The following SDCCAG8 variants were observed in gnomAD, a reference collection of about 807,000 sequenced individuals.
The protein encoded by SDCCAG8 is SHH signaling and ciliogenesis regulator SDCCAG8, also known as serologically defined colon cancer antigen 8.
SDCCAG8 carries 74 observed loss-of-function variants against 101.8 expected under a neutral mutation model. That is an observed-to-expected ratio of 0.73 (90% CI 0.60 to 0.88). The LOEUF is 0.88. Among genes scored for constraint, SDCCAG8 ranks in the 40% least tolerant of loss-of-function variants. The pLI is 0.00. For missense variants in SDCCAG8, 787 were observed against 822.6 expected, an observed-to-expected ratio of 0.96 and a Z score of 0.53; for synonymous variants, 281 against 292.9, an observed-to-expected ratio of 0.96 and a Z score of 0.41.
chr1:243,488,574 G>A (rs775591090), intron 16 of SDCCAG8: 5 of 221,904 alleles, frequency 2.3e-5, no homozygotes, highest in Non-Finnish European at 4.6e-5. Flanking sequence ...GCTCGTGATT[G>A]ACTGAGTGAT....
At chr1:243,431,949 C>T (rs1253202048) in intron 16 of SDCCAG8, among the ~76,000 whole-genome samples, 1 of 152,214 alleles carries the variant, frequency 6.6e-6, no homozygotes, top group Non-Finnish European at 1.5e-5. Context: ...AGCTTCTGAT[C>T]GAAGTGTAAC....
At position 243,499,830 on chromosome 1, in the gene SDCCAG8, T is replaced by C; in HGVS notation, c.*45T>C. ...AATAAATGATTTACAAAGAGATATT[T>C]ACATTCATCTGGTTTAGACTTAATA... is the stretch of plus-strand genomic sequence containing the variant. On this transcript the variant is annotated 3_prime_UTR_variant, in exon 18 of 18. Transcript: ENST00000366541. 6.3e-7 allele frequency: 1 copy of C among 1,586,148 alleles called. No homozygotes were observed.
intron 13 of SDCCAG8, among the ~76,000 whole-genome samples, chr1:243,381,975 C>T (rs1426272613): frequency 6.6e-6 from 1 of 152,148 alleles, no homozygotes; most frequent in Non-Finnish European, 1.5e-5. Flanking sequence ...TATTTGGCAG[C>T]AATCTTGATT....
chr1:243,271,867 T>C (rs1232281578), intron 3 of SDCCAG8, among the ~76,000 whole-genome samples: 1 of 152,208 alleles, frequency 6.6e-6, no homozygotes, highest in Non-Finnish European at 1.5e-5. Context: ...TTTTAATATG[T>C]AATGTTCTAT....
chr1:243,405,795 A>G (rs947956307), intron 13 of SDCCAG8, among the ~76,000 whole-genome samples: 2 of 151,812 alleles, frequency 1.3e-5, no homozygotes, highest in Non-Finnish European at 2.9e-5. Context: ...GAGATAAAAT[A>G]TAATAAAAAA....
intron 7 of SDCCAG8, chr1:243,305,836 C>G (rs1322106861): frequency 6.6e-6 from 1 of 152,184 alleles, no homozygotes; most frequent in Non-Finnish European, 1.5e-5. Context: ...CGCATGTAAT[C>G]CCAACACTTT....
chr1:243,282,702 T>C (rs916821643), intron 4 of SDCCAG8, among the ~76,000 whole-genome samples: 5 of 152,200 alleles, frequency 3.3e-5, no homozygotes, highest in Admixed American at 2.0e-4. Context: ...GTTGGTGGGT[T>C]TTTTCTTTTA....
intron 7 of SDCCAG8, chr1:243,307,701 C>T: frequency 5.3e-6 from 7 of 1,317,658 alleles, no homozygotes; most frequent in Non-Finnish European, 5.8e-6. Context: ...AGGTTGGATC[C>T]TGGGACAAGA....
intron 16 of SDCCAG8, among the ~76,000 whole-genome samples, chr1:243,427,842 C>G (rs1311086055): frequency 6.6e-6 from 1 of 152,160 alleles, no homozygotes; most frequent in Non-Finnish European, 1.5e-5. Context: ...TACTTAAGCC[C>G]AGGCACTTCT....
chr1:243,407,386 C>T (rs536174600), intron 13 of SDCCAG8, among the ~76,000 whole-genome samples: 2 of 152,292 alleles, frequency 1.3e-5, no homozygotes, highest in East Asian at 1.9e-4. Context: ...CTCTGCCCCA[C>T]AGAGATGTTA....
intron 10 of SDCCAG8, chr1:243,338,905 G>A (rs1306965145): frequency 6.5e-6 from 1 of 152,916 alleles, no homozygotes; most frequent in African/African-American, 2.4e-5. Flanking sequence ...GATGTGGATG[G>A]AGAAGCTCCT....
chr1:243,273,725 A>C (rs73118314), intron 3 of SDCCAG8, among the ~76,000 whole-genome samples: 8,035 of 152,274 alleles, frequency 0.053, 698 homozygotes, highest in African/African-American at 0.18. Flanking sequence ...AGTTTTAGCT[A>C]GCAAATCCTC....
intron 16 of SDCCAG8, among the ~76,000 whole-genome samples, chr1:243,429,339 A>G (rs1364485843): frequency 6.6e-6 from 1 of 152,166 alleles, no homozygotes; most frequent in Non-Finnish European, 1.5e-5. Context: ...TTAATCAACC[A>G]TTTATGTTAT....
chr1:243,491,365 G>A (rs1389014892), intron 17 of SDCCAG8, among the ~76,000 whole-genome samples: 2 of 152,130 alleles, frequency 1.3e-5, no homozygotes, highest in Non-Finnish European at 2.9e-5. Flanking sequence ...GCCCATTCCT[G>A]TGCTATCTGA....
chr1:243,488,941 A>C, intron 16 of SDCCAG8, 73 bp from the exon 17 acceptor site: 1 of 1,608,166 alleles, frequency 6.2e-7, no homozygotes, highest in Non-Finnish European at 8.5e-7. Context: ...CTTCCCTCAG[A>C]TACACACAGC....
At chr1:243,377,608 G>A (rs973600399) in intron 12 of SDCCAG8, among the ~76,000 whole-genome samples, 3 of 151,876 alleles carry the variant, frequency 2.0e-5, no homozygotes, top group Non-Finnish European at 4.4e-5. Flanking sequence ...AAGAAAAAAT[G>A]TAAATGAATT....
intron 6 of SDCCAG8, among the ~76,000 whole-genome samples, chr1:243,295,082 A>G: frequency 6.6e-6 from 1 of 152,312 alleles, no homozygotes; most frequent in African/African-American, 2.4e-5. Flanking sequence ...AAAATTGGAA[A>G]GACTAAGTAA....
chr1:243,330,799 T>C lies in SDCCAG8; in HGVS notation c.1221+107T>C, dbSNP rs550502403. On this transcript the variant is annotated intron_variant, in intron 10 of 17. Transcript: ENST00000366541. ...CTTGAATGAACTTTAAATTTTAAAA[T>C]CGTTATTATATAAGTAGTTAAATTT... 1.3e-4 allele frequency: 143 copies of C among 1,079,000 alleles called. 3 individuals are homozygous for C. In the South Asian group the frequency reaches 1.9e-3, roughly 14 times the overall value. 66.8% of individuals were successfully genotyped at this position (1,079,000 alleles called of 1,614,324 possible). A position where few individuals can be genotyped will look rare whatever the true frequency, so the allele number is the denominator to read the frequency against.
chr1:243,425,769 A>G (rs911765803), intron 15 of SDCCAG8, among the ~76,000 whole-genome samples: 2 of 152,198 alleles, frequency 1.3e-5, no homozygotes, highest in Non-Finnish European at 2.9e-5. Context: ...ACGAAAAACA[A>G]GATATTCCCA....
Sources: allele counts gnomAD v4.1 joint callset (sites outside exome capture counted in the v4.1 genomes callset), GRCh38; gene constraint gnomAD v4.1.1; transcripts MANE v1.5; gene names NCBI Gene and HGNC (gene_info 2026-07-23, HGNC 2026-07-21).